Variants in POU3F3 observed in about 807,000 individuals in gnomAD.
The protein encoded by POU3F3 is POU domain, class 3, transcription factor 3.
Under a neutral mutation model 8.6 loss-of-function variants are expected in POU3F3, and 1 was observed. The observed-to-expected ratio is 0.12, with a 90% confidence interval of 0.04 to 0.55. The LOEUF is 0.55. Ranked by LOEUF, POU3F3 falls within the 20% of genes least tolerant of loss-of-function variation. The probability of loss-of-function intolerance (pLI) is 0.91; values close to 1 mark genes in which losing one functional copy is unlikely to be tolerated. For synonymous variants in POU3F3, 418 were observed against 327.4 expected (o/e 1.28, Z -2.99); for missense variants, 577 against 690.7 (o/e 0.84, Z 1.84).
the POU3F3 span, among the ~76,000 whole-genome samples, chr2:104,880,547 T>C: frequency 6.6e-6 from 1 of 152,156 alleles, no homozygotes; most frequent in Non-Finnish European, 1.5e-5. Context: ...TTTGTAAGTG[T>C]TGCTGGTGAC....
the POU3F3 span, among the ~76,000 whole-genome samples, chr2:104,904,956 T>C: frequency 6.6e-6 from 1 of 152,080 alleles, no homozygotes; most frequent in African/African-American, 2.4e-5. Flanking sequence ...ACGAAACATG[T>C]AGGAAATGGA....
the POU3F3 span, among the ~76,000 whole-genome samples, chr2:104,889,835 G>A: frequency 8.5e-5 from 13 of 152,224 alleles, no homozygotes; most frequent in Middle Eastern, 3.2e-3. Context: ...GCATGAGGAA[G>A]AAGTTCAACA....
chr2:104,861,677 C>T (rs544806548), downstream of POU3F3, among the ~76,000 whole-genome samples: 4 of 152,178 alleles, frequency 2.6e-5, no homozygotes, highest in Non-Finnish European at 4.4e-5. Context: ...TGTCCTAGTC[C>T]AGCTACTAAC....
chr2:104,881,913 T>C, the POU3F3 span, among the ~76,000 whole-genome samples: 1 of 152,202 alleles, frequency 6.6e-6, no homozygotes, highest in Non-Finnish European at 1.5e-5. Flanking sequence ...TCGTTCCCAC[T>C]CCACCGCATC....
chr2:104,900,098 T>C, the POU3F3 span, among the ~76,000 whole-genome samples: 2 of 152,312 alleles, frequency 1.3e-5, no homozygotes, highest in East Asian at 1.9e-4. Context: ...GCCTAGGCCT[T>C]TGATGAAAAT....
At chr2:104,866,802 G>C in the POU3F3 span, 3 of 152,288 alleles carry the variant, frequency 2.0e-5, no homozygotes, top group Non-Finnish European at 4.4e-5. Flanking sequence ...TGCACCATCT[G>C]TGTGCCAGAG....
the POU3F3 span, among the ~76,000 whole-genome samples, chr2:104,863,713 G>A: frequency 6.6e-6 from 1 of 152,182 alleles, no homozygotes; most frequent in South Asian, 2.1e-4. Flanking sequence ...CGAAATTGAG[G>A]TGGGGGGCGT....
At chr2:104,897,138 T>A in the POU3F3 span, among the ~76,000 whole-genome samples, 1 of 152,048 alleles carries the variant, frequency 6.6e-6, no homozygotes, top group Non-Finnish European at 1.5e-5. Flanking sequence ...AGATCAGGGG[T>A]GAGATGCCAA....
the POU3F3 span, chr2:104,872,366 G>A: frequency 2.2e-6 from 1 of 456,462 alleles, no homozygotes; most frequent in Non-Finnish European, 4.4e-6. The surrounding 1 kb of genome is among the most constrained non-coding windows in gnomAD (Gnocchi z 4.6). Flanking sequence ...TCTGAGCTCT[G>A]GAGCCCGCTT....
the POU3F3 span, among the ~76,000 whole-genome samples, chr2:104,892,298 A>C: frequency 1.3e-5 from 2 of 152,222 alleles, no homozygotes; most frequent in Non-Finnish European, 2.9e-5. Context: ...AAGGACAGCC[A>C]ACTGCATTGG....
chr2:104,856,158 G>C lies in POU3F3; in HGVS notation c.648G>C (p.Pro216=). 1 of 1,251,340 alleles carries C rather than the reference G, an allele frequency of 8.0e-7. No homozygotes were observed. The highest frequency in any genetic ancestry group is 1.0e-6 in the Non-Finnish European group (1 of 997,526). The allele number at this position is 1,251,340 out of a possible 1,614,324, so 77.5% of individuals were successfully genotyped here. A position where few individuals can be genotyped will look rare whatever the true frequency, so the allele number is the denominator to read the frequency against. The change falls in exon 1 of 1, where the codon CCG becomes CCC. Residue 216 remains proline, a synonymous_variant. Transcript: ENST00000361360. ...LPSMAGGQQP[P]PQSLLYSQPG... is the part of the protein sequence containing the mutation. ...CCATGGCCGGGGGCCAGCAGCCGCC[G>C]CCGCAGAGTCTGCTCTACTCGCAGC...
the POU3F3 span, among the ~76,000 whole-genome samples, chr2:104,864,172 C>A: frequency 6.6e-6 from 1 of 152,220 alleles, no homozygotes; most frequent in African/African-American, 2.4e-5. Context: ...CCGCGGTGTG[C>A]GGGCGCCGGC....
At chr2:104,920,042 T>C in the POU3F3 span, among the ~76,000 whole-genome samples, 1 of 152,150 alleles carries the variant, frequency 6.6e-6, no homozygotes, top group Admixed American at 6.5e-5. Context: ...TGAGATGGAG[T>C]CTTGCTCTGT....
At chr2:104,914,832 C>G in the POU3F3 span, among the ~76,000 whole-genome samples, 1 of 152,174 alleles carries the variant, frequency 6.6e-6, no homozygotes, top group African/African-American at 2.4e-5. Context: ...GTAGGTTTGC[C>G]ATTAGCACAA....
chr2:104,854,174 G>A lies in POU3F3; in HGVS notation c.-1337G>A, dbSNP rs1455305743. On this transcript the variant is annotated 5_prime_UTR_variant, in exon 1 of 1. Coordinates refer to ENST00000361360, the MANE Select transcript of POU3F3 (RefSeq NM_006236.3). The surrounding 1 kb of genome is among the most constrained non-coding windows in gnomAD (Gnocchi z 4.5). ...AGAGCGAACTGTCAGATCGGAGCGA[G>A]AGCGGGCGCCCGAGAGAGGGAGAGA... Among the ~76,000 whole-genome samples the A allele has an allele frequency of 6.6e-6, 1 of 152,290 alleles. No homozygotes were observed. Among genetic ancestry groups the A allele is most frequent in the East Asian group, 1.9e-4 (1 of 5,150 alleles).
chr2:104,918,999 G>A, the POU3F3 span, among the ~76,000 whole-genome samples: 1 of 151,836 alleles, frequency 6.6e-6, no homozygotes, highest in African/African-American at 2.4e-5. Flanking sequence ...AGCCTCCCGA[G>A]TAGCTGGGAT....
chr2:104,862,752 T>G (rs1558705368), downstream of POU3F3, among the ~76,000 whole-genome samples: 1 of 152,194 alleles, frequency 6.6e-6, no homozygotes, highest in Non-Finnish European at 1.5e-5. Context: ...ATACACCCGT[T>G]GCTTAGCAAC....
chr2:104,901,228 C>G, the POU3F3 span, among the ~76,000 whole-genome samples: 299 of 152,324 alleles, frequency 2.0e-3, 2 homozygotes, highest in Non-Finnish European at 2.1e-3. Context: ...CAGTTCACAG[C>G]TCACTGACAG....
the POU3F3 span, among the ~76,000 whole-genome samples, chr2:104,905,905 A>C: frequency 6.6e-6 from 1 of 152,156 alleles, no homozygotes; most frequent in African/African-American, 2.4e-5. Context: ...TGGGGGTTTG[A>C]ACTTGAACAC....
Sources: allele counts gnomAD v4.1 joint callset (sites outside exome capture counted in the v4.1 genomes callset), GRCh38; gene constraint gnomAD v4.1.1; non-coding constraint Gnocchi (gnomAD v3.1); transcripts MANE v1.5; gene names NCBI Gene and HGNC (gene_info 2026-07-23, HGNC 2026-07-21).